The following UNC13C variants were observed in gnomAD, a reference collection of about 807,000 sequenced individuals.
UNC13C encodes unc-13 homolog C.
UNC13C carries 174 observed loss-of-function variants against 245.4 expected under a neutral mutation model. The observed-to-expected ratio is 0.71, with a 90% CI of 0.63 to 0.80. The LOEUF (loss-of-function observed/expected upper bound fraction) is 0.80, where lower values mean the gene tolerates loss of function less well. UNC13C is among the 30% of genes least tolerant of loss of function. The pLI is 0.00. For missense variants in UNC13C, 2,829 were observed against 2,602.9 expected, an observed-to-expected ratio of 1.09 and a Z score of -1.89; for synonymous variants, 992 against 895.1, an observed-to-expected ratio of 1.11 and a Z score of -1.93.
At chr15:53,868,208 C>G in the UNC13C span, among the ~76,000 whole-genome samples, 1 of 152,188 alleles carries the variant, frequency 6.6e-6, no homozygotes, top group Non-Finnish European at 1.5e-5. Flanking sequence ...GAAGTTTCTG[C>G]TGACCACCCT....
chr15:54,466,902 A>G (rs2141035878), intron 19 of UNC13C, among the ~76,000 whole-genome samples: 1 of 152,040 alleles, frequency 6.6e-6, no homozygotes, highest in East Asian at 1.9e-4. Context: ...ATCTTAAAAT[A>G]TTATGATAAA....
At chr15:54,144,170 A>G (rs921102815) in intron 4 of UNC13C, among the ~76,000 whole-genome samples, 1 of 152,180 alleles carries the variant, frequency 6.6e-6, no homozygotes, top group African/African-American at 2.4e-5. Flanking sequence ...CACAAAAATA[A>G]TGTATGAAAT....
intron 10 of UNC13C, among the ~76,000 whole-genome samples, chr15:54,290,604 A>T (rs1375733154): frequency 1.3e-5 from 2 of 152,054 alleles, no homozygotes; most frequent in Non-Finnish European, 2.9e-5. Flanking sequence ...ATGTATATGT[A>T]TTATGTAGAA....
chr15:54,247,569 C>A (rs538053717), intron 7 of UNC13C, among the ~76,000 whole-genome samples: 1 of 151,896 alleles, frequency 6.6e-6, no homozygotes, highest in Non-Finnish European at 1.5e-5. Flanking sequence ...CATGCCCATA[C>A]CCCCGAAAGT....
At chr15:54,553,907 A>G (rs1375905618) in intron 28 of UNC13C, among the ~76,000 whole-genome samples, 1 of 151,978 alleles carries the variant, frequency 6.6e-6, no homozygotes, top group African/African-American at 2.4e-5. Flanking sequence ...ATTTTCCCCT[A>G]TAATTCAGCA....
At chr15:54,133,129 C>T (rs1182446528) in intron 2 of UNC13C, among the ~76,000 whole-genome samples, 1 of 152,142 alleles carries the variant, frequency 6.6e-6, no homozygotes, top group Non-Finnish European at 1.5e-5. Context: ...ATTCACTACA[C>T]ATACCAAAAG....
chr15:54,468,171 T>G (rs1453829303), intron 19 of UNC13C, among the ~76,000 whole-genome samples: 2 of 151,936 alleles, frequency 1.3e-5, no homozygotes, highest in Admixed American at 6.6e-5. Context: ...AGTTGTGAGG[T>G]GATATCTCAT....
At chr15:54,426,841 A>G (rs2040769814) in intron 19 of UNC13C, among the ~76,000 whole-genome samples, 2 of 151,724 alleles carry the variant, frequency 1.3e-5, no homozygotes, top group African/African-American at 4.8e-5. Context: ...TGTTGTGAGG[A>G]TTAAATTAGG....
At chr15:54,239,923 T>A (rs926247572) in intron 7 of UNC13C, among the ~76,000 whole-genome samples, 2 of 152,240 alleles carry the variant, frequency 1.3e-5, no homozygotes, top group Non-Finnish European at 1.5e-5. Context: ...AGAATTTTAT[T>A]GATAAACTCC....
intron 30 of UNC13C, 149 bp downstream of exon 30, chr15:54,568,096 C>A (rs1368038917): frequency 4.2e-6 from 2 of 474,918 alleles, no homozygotes; most frequent in African/African-American, 2.0e-5. Flanking sequence ...ATAGAGAATA[C>A]CAATTTTTTT....
At chr15:54,417,098 G>A (rs1034562279) in intron 19 of UNC13C, 1 of 388,668 alleles carries the variant, frequency 2.6e-6, no homozygotes, top group African/African-American at 2.1e-5. Flanking sequence ...TTATTTGTTT[G>A]TTGATTTGAT....
At chr15:54,496,376 A>G (rs1005894045) in intron 20 of UNC13C, among the ~76,000 whole-genome samples, 2 of 152,040 alleles carry the variant, frequency 1.3e-5, no homozygotes, top group Non-Finnish European at 2.9e-5. Flanking sequence ...GTTAAAAGAA[A>G]GAGGAAAGGT....
intron 11 of UNC13C, 21 bp from the exon 12 acceptor site, chr15:54,297,790 A>G: frequency 2.6e-6 from 4 of 1,538,050 alleles, no homozygotes; most frequent in Non-Finnish European, 3.6e-6. Flanking sequence ...TGACTGACCA[A>G]TTGCCTTTTT....
Position 54,608,394 on chromosome 15 carries a change from C to G in UNC13C, c.6107-13933C>G, listed in dbSNP as rs1462212134. Among the ~76,000 whole-genome samples the G allele has an allele frequency of 2.6e-5, 4 of 152,156 alleles. No homozygotes were observed. The East Asian group carries it at 7.7e-4, about 29-fold the overall frequency. On this transcript the variant is annotated intron_variant, in intron 30 of 32. Coordinates refer to ENST00000260323, the MANE Select transcript of UNC13C (RefSeq NM_001080534.3). ...ATCTCAGGAATGCTAAAATGATTGC[C>G]CAGAGCACAGGTATGTGGTACAGCC...
intron 15 of UNC13C, among the ~76,000 whole-genome samples, chr15:54,332,944 T>C (rs35121942): frequency 0.26 from 39,562 of 151,706 alleles, 5,821 homozygotes; most frequent in Middle Eastern, 0.35. Flanking sequence ...GGTTATTTCA[T>C]GTTGGATCTG....
At chr15:54,206,644 GAT>G (rs1199756096) in intron 4 of UNC13C, among the ~76,000 whole-genome samples, 1 of 152,014 alleles carries the variant, frequency 6.6e-6, no homozygotes, top group Non-Finnish European at 1.5e-5. Context: ...ATATCTGAAG[GAT>G]ATAGCTCTAT....
intron 1 of UNC13C, among the ~76,000 whole-genome samples, chr15:53,995,686 A>G (rs1390661382): frequency 6.6e-6 from 1 of 152,180 alleles, no homozygotes; most frequent in Non-Finnish European, 1.5e-5. Context: ...GAGAGGCTCC[A>G]GCAGGTCCCA....
chr15:54,355,738 T>C (rs1191753917), intron 17 of UNC13C, among the ~76,000 whole-genome samples: 1 of 152,162 alleles, frequency 6.6e-6, no homozygotes, highest in Non-Finnish European at 1.5e-5. Flanking sequence ...AAAAGATTTT[T>C]TTTTAAAGTA....
At position 54,523,132 on chromosome 15, in the gene UNC13C, T is replaced by C. The variant is rs551909566; in HGVS notation, c.5458-2417T>C. Among the ~76,000 whole-genome samples, 10 of 152,276 alleles carry C rather than the reference T, an allele frequency of 6.6e-5. No individual in the cohort carries two copies. The South Asian group carries it at 2.1e-3, about 32-fold the overall frequency. ...TATTATTTCTTAAAATTTTACAAAA[T>C]TTGTAGGAGTAAGAAAAATGTCCTC... On this transcript the variant is annotated intron_variant, in intron 24 of 32. Transcript: ENST00000260323.
Sources: gnomAD v4.1 joint callset for allele counts (sites outside exome capture counted in the v4.1 genomes callset) on GRCh38, gnomAD v4.1.1 for gene constraint, MANE v1.5 for transcripts, NCBI Gene and HGNC (gene_info 2026-07-23, HGNC 2026-07-21) for gene names.